Variants in LEMD1 observed in about 807,000 individuals in gnomAD.
LEMD1 encodes the protein LEM domain containing 1, also known as LEM domain-containing protein 1.
LEMD1 carries 18 observed loss-of-function variants against 17.4 expected under a neutral mutation model. The ratio of observed to expected loss-of-function variants is 1.04; its 90% confidence interval spans 0.72 to 1.54. The LOEUF (loss-of-function observed/expected upper bound fraction) is 1.54, where lower values mean the gene tolerates loss of function less well. Ranked by LOEUF, LEMD1 falls within the 40% of genes most tolerant of loss-of-function variation. The pLI is 0.00. For missense variants in LEMD1, 195 were observed against 210.4 expected (o/e 0.93, Z 0.45); for synonymous variants, 88 against 77.8 (o/e 1.13, Z -0.69).
At chr1:205,414,094 T>C (rs1665582153) in intron 4 of LEMD1, among the ~76,000 whole-genome samples, 1 of 151,946 alleles carries the variant, frequency 6.6e-6, no homozygotes, top group Admixed American at 6.6e-5. Flanking sequence ...TAAGAATTTG[T>C]TGGGTTGGAT....
At chr1:205,408,861 A>AAAAAAC (rs1553395228) in intron 4 of LEMD1, among the ~76,000 whole-genome samples, 2 of 73,420 alleles carry the variant, frequency 2.7e-5, no homozygotes, top group African/African-American at 1.3e-4. Context: ...TGACTTAAAC[A>AAAAAAC]AACAACAACA....
intron 1 of LEMD1, among the ~76,000 whole-genome samples, chr1:205,431,541 A>G (rs975575179): frequency 2.0e-5 from 3 of 152,110 alleles, no homozygotes; most frequent in Non-Finnish European, 4.4e-5. Flanking sequence ...TAAAGACAAC[A>G]AGTCTTGTGC....
chr1:205,390,214 G>C (rs1226656275), intron 4 of LEMD1, among the ~76,000 whole-genome samples: 2 of 152,068 alleles, frequency 1.3e-5, no homozygotes, highest in Non-Finnish European at 2.9e-5. Context: ...AATTAGCCGG[G>C]CATGGTGGTG....
chr1:205,439,326 G>A (rs1666256421), intron 1 of LEMD1, among the ~76,000 whole-genome samples: 1 of 152,194 alleles, frequency 6.6e-6, no homozygotes, highest in Admixed American at 6.5e-5. Context: ...GTAGAAGGTG[G>A]GGGCTAGGAG....
At chr1:205,446,488 A>T (rs995256548) in intron 1 of LEMD1, among the ~76,000 whole-genome samples, 2 of 152,212 alleles carry the variant, frequency 1.3e-5, no homozygotes, top group Non-Finnish European at 2.9e-5. Flanking sequence ...AATCTCTGGA[A>T]TGGCTCATCT....
In LEMD1 at chr1:205,411,290, A is replaced by G. The variant is rs182379573; in HGVS notation, c.270+4942T>C. On this transcript the variant is annotated intron_variant, in intron 4 of 5. Transcript: ENST00000367153. ...AGAAAGAAGAAAGAAAGAGAGGGCC[A>G]GGCGCAGTGGCTCACGCCTGTAATC... is the stretch of plus-strand genomic sequence containing the variant. Among the ~76,000 whole-genome samples the G allele has an allele frequency of 8.5e-3, 1,291 of 151,910 alleles. 12 individuals carry two copies. The highest frequency in any genetic ancestry group is 0.029 in the African/African-American group (1,191 of 41,486).
intron 4 of LEMD1, among the ~76,000 whole-genome samples, chr1:205,388,879 ATATCAC>A (rs1176827272): frequency 5.9e-5 from 9 of 152,028 alleles, no homozygotes; most frequent in African/African-American, 2.2e-4. Flanking sequence ...CTACTTAGGT[ATATCAC>A]AGTCAGTCTG....
At chr1:205,404,928 C>T (rs145363743) in intron 4 of LEMD1, among the ~76,000 whole-genome samples, 118 of 152,014 alleles carry the variant, frequency 7.8e-4, no homozygotes, top group Non-Finnish European at 1.5e-3. Flanking sequence ...ATTTGCTTGT[C>T]GGTAAAGTAT....
At chr1:205,387,816 A>G (rs568312386) in intron 4 of LEMD1, among the ~76,000 whole-genome samples, 1 of 152,372 alleles carries the variant, frequency 6.6e-6, no homozygotes, top group South Asian at 2.1e-4. Context: ...TAGTTATAAA[A>G]GTAGTAAGTC....
intron 4 of LEMD1, among the ~76,000 whole-genome samples, chr1:205,411,702 G>GAAGA (rs755983286): frequency 1.4e-4 from 21 of 149,914 alleles, no homozygotes; most frequent in East Asian, 5.8e-4. Context: ...AAAGAAAAAG[G>GAAGA]AAGAAAGAAA....
chr1:205,384,166 T>C, intron 5 of LEMD1, 122 bp downstream of exon 5: 3 of 524,994 alleles, frequency 5.7e-6, no homozygotes, highest in Non-Finnish European at 9.4e-6. Flanking sequence ...TACAAATCTT[T>C]CTCCTTTCTC....
At chr1:205,432,512 G>A (rs190561047) in intron 1 of LEMD1, among the ~76,000 whole-genome samples, 23 of 152,352 alleles carry the variant, frequency 1.5e-4, no homozygotes, top group African/African-American at 5.5e-4. Flanking sequence ...AAAACCTGAA[G>A]TCAAAGAGAG....
At chr1:205,431,676 C>T (rs1415626744) in intron 1 of LEMD1, among the ~76,000 whole-genome samples, 1 of 152,154 alleles carries the variant, frequency 6.6e-6, no homozygotes, top group African/African-American at 2.4e-5. Context: ...CACATTTTAG[C>T]TGGGGCAAAG....
intron 4 of LEMD1, among the ~76,000 whole-genome samples, chr1:205,415,405 A>G (rs945592626): frequency 5.9e-5 from 9 of 152,184 alleles, no homozygotes; most frequent in African/African-American, 2.2e-4. Context: ...AGGCTGAAGG[A>G]GGAGGTCTCA....
At chr1:205,414,515 C>T (rs926335432) in intron 4 of LEMD1, among the ~76,000 whole-genome samples, 1 of 152,030 alleles carries the variant, frequency 6.6e-6, no homozygotes, top group South Asian at 2.1e-4. Flanking sequence ...GCCTCAACCT[C>T]CCAGGCTCAA....
rs540543136 is a variant in LEMD1 at position 205,382,240 on chromosome 1, G to A, written c.348-384C>T. On this transcript the variant is annotated intron_variant, in intron 5 of 5. Coordinates refer to ENST00000367153, the MANE Select transcript of LEMD1 (RefSeq NM_001199050.2). Reference sequence around the variant, plus strand: ...AATTCCAGCACTTTGGGAGGCCAAGGCAGGCAGACTGCTTGAGCCCAGGAG... The same window carrying A: ...AATTCCAGCACTTTGGGAGGCCAAGACAGGCAGACTGCTTGAGCCCAGGAG... The A allele has an allele frequency of 1.6e-5, 3 of 188,800 alleles. No homozygotes were observed. The South Asian group carries it at 3.4e-4, about 22-fold the overall frequency. The allele number at this position is 188,800 out of a possible 1,614,324, so 11.7% of individuals were successfully genotyped here.
chr1:205,427,499 G>GAA (rs1395672473), intron 1 of LEMD1, among the ~76,000 whole-genome samples: 2 of 151,586 alleles, frequency 1.3e-5, no homozygotes, highest in Non-Finnish European at 2.9e-5. Context: ...GAGAGAGAGA[G>GAA]AGAGAGAGAC....
intron 4 of LEMD1, among the ~76,000 whole-genome samples, chr1:205,388,440 C>T (rs1887975): frequency 0.4 from 60,156 of 152,004 alleles, 12,084 homozygotes; most frequent in Middle Eastern, 0.45. Flanking sequence ...CCAACTGCCT[C>T]GGCCTCCCAA....
chr1:205,425,622 A>G (rs554231580), upstream of LEMD1, among the ~76,000 whole-genome samples: 46 of 152,256 alleles, frequency 3.0e-4, no homozygotes, highest in African/African-American at 1.1e-3. Flanking sequence ...AGTAGACTCC[A>G]CTCTCAAGGA....
Sources: gnomAD v4.1 joint callset for allele counts (sites outside exome capture counted in the v4.1 genomes callset) on GRCh38, gnomAD v4.1.1 for gene constraint, MANE v1.5 for transcripts, NCBI Gene and HGNC (gene_info 2026-07-23, HGNC 2026-07-21) for gene names.